KCNJ5: variants seen among roughly 807,000 people sequenced by gnomAD.
KCNJ5 encodes potassium inwardly rectifying channel subfamily J member 5.
Under a neutral mutation model 20.2 loss-of-function variants are expected in KCNJ5, and 12 were observed. The observed-to-expected ratio is 0.59, with a 90% CI of 0.38 to 0.96. The LOEUF (loss-of-function observed/expected upper bound fraction) is 0.96. Ranked by LOEUF, KCNJ5 falls within the 40% of genes least tolerant of loss-of-function variation. KCNJ5 has a pLI of 0.00. For synonymous variants in KCNJ5, 210 were observed against 213.9 expected (o/e 0.98, Z 0.16); for missense variants, 449 against 557.6 (o/e 0.81, Z 1.96).
rs886048000 is a variant in KCNJ5, at chr11:128,891,439, C to CAGAGAGAGAGAGAGAG, written c.-292_-291insGAGAGAGAGAGAGAGA. On this transcript the variant is annotated 5_prime_UTR_variant, in exon 1 of 3. Coordinates refer to ENST00000529694, the MANE Select transcript of KCNJ5 (RefSeq NM_000890.5). ...ACACACACACACACACACACACACACACAGAGAGAGAGAGAGAGAGAGAGA... is the reference window on the plus strand; with the variant it reads ...ACACACACACACACACACACACACACAGAGAGAGAGAGAGAGACAGAGAGAGAGAGAGAGAGAGAGA... 4.9e-4 allele frequency: 34 copies of CAGAGAGAGAGAGAGAG among 68,774 alleles called. No individual in the cohort carries two copies. The highest frequency in any genetic ancestry group is 1.7e-3 in the East Asian group (4 of 2,414). The allele number at this position is 68,774 out of a possible 1,614,324, so 4.3% of individuals were successfully genotyped here. A position where few individuals can be genotyped will look rare whatever the true frequency, so the allele number is the denominator to read the frequency against.
At chr11:128,892,890 A>G (rs866298576) in intron 1 of KCNJ5, among the ~76,000 whole-genome samples, 1 of 152,214 alleles carries the variant, frequency 6.6e-6, no homozygotes, top group Admixed American at 6.5e-5. Context: ...TCTGTTTTAT[A>G]GATGAGAGTA....
rs11221501 is a variant in KCNJ5 at position 128,896,609 on chromosome 11, T to G, written c.-11+4888T>G. Among the ~76,000 whole-genome samples, 718 of 145,932 alleles carry G rather than the reference T, an allele frequency of 4.9e-3. 8 individuals carry two copies. Among genetic ancestry groups the G allele is most frequent in the East Asian group, 0.033 (169 of 5,068 alleles). ...AGTGTGCATGTGTGCTTGTTGGGGGTGTGTGTGTGTGTGTGTGTGTGTGGT... is the reference window on the plus strand; with the variant it reads ...AGTGTGCATGTGTGCTTGTTGGGGGGGTGTGTGTGTGTGTGTGTGTGTGGT... On this transcript the variant is annotated intron_variant, in intron 1 of 2. Coordinates refer to ENST00000529694, the MANE Select transcript of KCNJ5 (RefSeq NM_000890.5).
At chr11:128,912,507 T>TTGTTTTG (rs1555145189) in intron 2 of KCNJ5, among the ~76,000 whole-genome samples, 22 of 151,482 alleles carry the variant, frequency 1.5e-4, no homozygotes, top group African/African-American at 5.1e-4. Context: ...GTTGTTGTTG[T>TTGTTTTG]TTTGTTTATT....
chr11:128,896,677 G>A (rs193090852), intron 1 of KCNJ5, among the ~76,000 whole-genome samples: 194 of 151,938 alleles, frequency 1.3e-3, no homozygotes, highest in Middle Eastern at 6.8e-3. Context: ...AGTGGGAATC[G>A]TCCATAGTGG....
intron 1 of KCNJ5, among the ~76,000 whole-genome samples, chr11:128,904,258 C>A (rs930887858): frequency 6.6e-6 from 1 of 152,210 alleles, no homozygotes; most frequent in African/African-American, 2.4e-5. Context: ...ACGCCTTCCT[C>A]ACCAGGGCCT....
chr11:128,915,059 T>C (rs1013604235), intron 2 of KCNJ5, among the ~76,000 whole-genome samples: 1 of 152,368 alleles, frequency 6.6e-6, no homozygotes, highest in East Asian at 1.9e-4. Context: ...GCCTTGGACC[T>C]GGGTCTGCTT....
At chr11:128,914,973 G>A (rs367568264) in intron 2 of KCNJ5, among the ~76,000 whole-genome samples, 78 of 152,328 alleles carry the variant, frequency 5.1e-4, no homozygotes, top group African/African-American at 1.7e-3. Flanking sequence ...GGAGAGGCCC[G>A]GCCCAGGCAG....
rs1463315071 is a variant in KCNJ5, at chr11:128,911,896, T to C, written c.623T>C (p.Ile208Thr). 1.2e-6 allele frequency: 2 copies of C among 1,607,910 alleles called. No homozygotes were observed. Among genetic ancestry groups the C allele is most frequent in the Non-Finnish European group, 1.7e-6 (2 of 1,175,342 alleles). The change falls in exon 2 of 3, where the codon ATC (isoleucine) becomes ACC (threonine). Residue 208 changes from isoleucine (I) to threonine (T), a missense_variant. Ile to Thr is a moderately conservative substitution (Grantham distance 89, BLOSUM62 -1). This residue lies in a region of KCNJ5 where 145 missense variants were observed against 166.2 expected (regional missense o/e 0.87). Transcript: ENST00000529694. This position sits in a 1 kb window ranked among gnomAD's most constrained non-coding sequence, Gnocchi z 6.3. ...CTCATGTTTTCCAACAACGCAGTCA[T>C]CTCCATGCGGGACGAGAAGCTGTGC... ...ETLMFSNNAV[I>T]SMRDEKLCLM...
At chr11:128,902,229 G>A (rs12365784) in intron 1 of KCNJ5, 75,949 of 388,056 alleles carry the variant, frequency 0.2, 8,372 homozygotes, top group Non-Finnish European at 0.24. Context: ...TGCCCTCACC[G>A]CTGGTAATCA....
chr11:128,916,262 A>ATGGG, intron 2 of KCNJ5, 147 bp from the exon 3 acceptor site: 2 of 681,108 alleles, frequency 2.9e-6, no homozygotes, highest in Non-Finnish European at 5.3e-6. Flanking sequence ...GGATGGATGG[A>ATGGG]TGGATGGATG....
At chr11:128,913,683 T>C (rs1455914093) in intron 2 of KCNJ5, among the ~76,000 whole-genome samples, 3 of 152,094 alleles carry the variant, frequency 2.0e-5, no homozygotes, top group Admixed American at 2.0e-4. Context: ...ATTTTTCCAA[T>C]TCTTGCAAAT....
chr11:128,904,515 G>A (rs1344356602), intron 1 of KCNJ5: 3 of 1,527,494 alleles, frequency 2.0e-6, no homozygotes, highest in Non-Finnish European at 2.7e-6. Context: ...TGCGTCCAGG[G>A]CGGAGAGGTC....
At position 128,912,196 on chromosome 11, in the gene KCNJ5, T is replaced by C; in HGVS notation, c.923T>C (p.Met308Thr). Residue 308 changes from methionine to threonine, a missense_variant, in exon 2 of 3, where the codon ATG (methionine) becomes ACG (threonine). By Grantham distance (81) the Met-to-Thr change is moderately conservative. Around this residue, in one of 5 missense-constraint regions of KCNJ5, gnomAD observed 145 missense variants for 166.2 expected, o/e 0.87. Coordinates refer to ENST00000529694, the MANE Select transcript of KCNJ5 (RefSeq NM_000890.5). ...GAAGTTGTGGTCATTCTAGAAGGGA[T>C]GGTGGAAGCCACAGGTAAGGCGCTT... ...EFEVVVILEG[M>T]VEATGMTCQA... is the part of the protein sequence containing the mutation. 2 of 1,602,994 alleles carry C rather than the reference T, an allele frequency of 1.2e-6. No homozygotes were observed. Among genetic ancestry groups the C allele is most frequent in the Non-Finnish European group, 1.7e-6 (2 of 1,179,894 alleles).
chr11:128,896,601 G>T (rs1944180145), intron 1 of KCNJ5, among the ~76,000 whole-genome samples: 1 of 144,478 alleles, frequency 6.9e-6, no homozygotes, highest in African/African-American at 2.6e-5. Context: ...ATGTGTGCTT[G>T]TTGGGGGTGT....
In KCNJ5 at chr11:128,911,394, C is replaced by T. The variant is rs115012103; in HGVS notation, c.121C>T (p.Arg41Cys). 1,115 of 1,614,206 alleles carry T rather than the reference C, an allele frequency of 6.9e-4. 4 individuals are homozygous for T. In the African/African-American group the frequency reaches 0.01, roughly 15 times the overall value. ...TGTCCCCATTGCCACAGACCGTACG[C>T]GCCTGCTGGCCGAGGGCAAGAAGCC... The part of the protein sequence containing the change: ...DYVPIATDRT[R>C]LLAEGKKPRQ... Residue 41 changes from arginine (R) to cysteine (C), a missense_variant, in exon 2 of 3, where the codon CGC (arginine) becomes TGC (cysteine). Transcript: ENST00000529694. This position sits in a 1 kb window ranked among gnomAD's most constrained non-coding sequence, Gnocchi z 6.3.
At chr11:128,899,674 C>T (rs189559287) in intron 1 of KCNJ5, 4 of 152,280 alleles carry the variant, frequency 2.6e-5, no homozygotes, top group African/African-American at 9.6e-5. Context: ...GGCTCACTTT[C>T]AAAGAGATGG....
At chr11:128,900,878 G>A (rs555342947) in intron 1 of KCNJ5, 1 of 152,266 alleles carries the variant, frequency 6.6e-6, no homozygotes, top group South Asian at 2.1e-4. Flanking sequence ...CACATACTAG[G>A]AATACCGGGA....
intron 1 of KCNJ5, among the ~76,000 whole-genome samples, chr11:128,910,635 G>A (rs2135997900): frequency 6.6e-6 from 1 of 152,282 alleles, no homozygotes; most frequent in Non-Finnish European, 1.5e-5. Context: ...AACCTCTTTG[G>A]AAGCCTGTTT....
Position 128,911,919 on chromosome 11 carries a change from T to A in KCNJ5, c.646T>A (p.Cys216Ser). Residue 216 changes from cysteine (C) to serine (S), a missense_variant, in exon 2 of 3, where the codon TGC (cysteine) becomes AGC (serine). This residue lies in a region of KCNJ5 where 145 missense variants were observed against 166.2 expected (regional missense o/e 0.87). Transcript: ENST00000529694. This position sits in a 1 kb window ranked among gnomAD's most constrained non-coding sequence, Gnocchi z 6.3. ...AVISMRDEKL[C>S]LMFRVGDLRN... ...CATCTCCATGCGGGACGAGAAGCTG[T>A]GCCTCATGTTCCGGGTGGGCGACCT... 6.2e-7 allele frequency: 1 copy of A among 1,603,818 alleles called. No homozygotes were observed. The highest frequency in any genetic ancestry group is 1.7e-4 in the Middle Eastern group (1 of 6,020).
Sources: allele counts gnomAD v4.1 joint callset (sites outside exome capture counted in the v4.1 genomes callset), GRCh38; gene constraint gnomAD v4.1.1; regional missense constraint gnomAD v4.1.1; non-coding constraint Gnocchi (gnomAD v3.1); transcripts MANE v1.5; gene names NCBI Gene and HGNC (gene_info 2026-07-23, HGNC 2026-07-21).